RGS12: variants seen among roughly 807,000 people sequenced by gnomAD.
RGS12 encodes regulator of G protein signaling 12.
RGS12 carries 66 observed loss-of-function variants against 120.1 expected under a neutral mutation model. The observed-to-expected ratio is 0.55, with a 90% CI of 0.45 to 0.67. The LOEUF (loss-of-function observed/expected upper bound fraction) is 0.67, where lower values mean the gene tolerates loss of function less well. Ranked by LOEUF, RGS12 falls within the 30% of genes least tolerant of loss-of-function variation. The pLI is 0.00. For synonymous variants in RGS12, 827 were observed against 804.7 expected, an observed-to-expected ratio of 1.03 and a Z score of -0.47; for missense variants, 1,859 against 1,957.7, an observed-to-expected ratio of 0.95 and a Z score of 0.95.
intron 6 of RGS12, 55 bp downstream of exon 6, chr4:3,414,899 G>T: frequency 2.3e-6 from 3 of 1,314,708 alleles, no homozygotes; most frequent in Non-Finnish European, 3.3e-6. Flanking sequence ...TGAGAGAGAC[G>T]CATGTGAGGG....
At chr4:3,288,068 G>A (rs1046648669), upstream of RGS12, among the ~76,000 whole-genome samples, 5 of 152,236 alleles carry the variant, frequency 3.3e-5, no homozygotes, top group East Asian at 1.9e-4. The surrounding 1 kb of genome is among the most constrained non-coding windows in gnomAD (Gnocchi z 5.2). Flanking sequence ...CCGTGGGCCC[G>A]TACCTGCTGG....
intron 4 of RGS12, among the ~76,000 whole-genome samples, chr4:3,404,781 G>A (rs1401105188): frequency 6.6e-6 from 1 of 152,260 alleles, no homozygotes; most frequent in East Asian, 1.9e-4. Flanking sequence ...GTAGCAGTGA[G>A]CACCTGCATG....
chr4:3,355,457 C>G (rs974094062), intron 3 of RGS12, among the ~76,000 whole-genome samples: 1 of 152,066 alleles, frequency 6.6e-6, no homozygotes, highest in Non-Finnish European at 1.5e-5. Context: ...TGTTACTGTT[C>G]TCGGATGATG....
intron 12 of RGS12, 83 bp downstream of exon 12, chr4:3,423,061 C>A: frequency 9.3e-7 from 1 of 1,078,302 alleles, no homozygotes; most frequent in East Asian, 2.6e-5. Context: ...CTGCGCTTAG[C>A]GGGCGGCCTG....
In RGS12 at chr4:3,397,633, G is replaced by T. The variant is rs114524202; in HGVS notation, c.2020+11196G>T. 7.9e-3 allele frequency among the ~76,000 whole-genome samples: 1,208 copies of T among 152,274 alleles called. 11 individuals carry two copies. Among genetic ancestry groups the T allele is most frequent in the Middle Eastern group, 0.031 (9 of 294 alleles). Reference sequence around the variant, plus strand: ...TAGGGTGGGAGGAGCAGATAGGGGGGTGATAACCAAGAATTCTGCTTTGGA... The same window carrying T: ...TAGGGTGGGAGGAGCAGATAGGGGGTTGATAACCAAGAATTCTGCTTTGGA... On this transcript the variant is annotated intron_variant, in intron 4 of 17. Transcript: ENST00000336727.
At chr4:3,294,721 G>A (rs1054276119) in intron 1 of RGS12, among the ~76,000 whole-genome samples, 1 of 152,180 alleles carries the variant, frequency 6.6e-6, no homozygotes, top group Non-Finnish European at 1.5e-5. Context: ...TTATCTCTGA[G>A]ACCTCCTGAG....
Position 3,398,020 on chromosome 4 carries a change from ATAG to A in RGS12, c.2020+11587_2020+11589del, listed in dbSNP as rs746061939. Reference sequence around the variant, plus strand: ...TTTCTCTCATCTGTAAAATGGAATAATAGTAGGACCCATTACTTACAGACTTCT... The same window carrying A: ...TTTCTCTCATCTGTAAAATGGAATAATAGGACCCATTACTTACAGACTTCT... On this transcript the variant is annotated intron_variant, in intron 4 of 17. Coordinates refer to ENST00000336727, the MANE Select transcript of RGS12 (RefSeq NM_001394154.1). Among the ~76,000 whole-genome samples the A allele has an allele frequency of 5.7e-4, 87 of 152,338 alleles. 1 individual carries two copies. Among genetic ancestry groups the A allele is most frequent in the South Asian group, 6.2e-4 (3 of 4,826 alleles).
Position 3,342,977 on chromosome 4 carries a change from C to T in RGS12, c.1922C>T (p.Ser641Phe), listed in dbSNP as rs1578776137. The T allele has an allele frequency of 1.9e-6, 3 of 1,613,928 alleles. No individual in the cohort carries two copies. In the East Asian group the frequency reaches 6.7e-5, roughly 36 times the overall value. The change falls in exon 3 of 18, where the codon TCT becomes TTT. Residue 641 changes from serine (S) to phenylalanine (F), a missense_variant. Ser to Phe is a radical substitution (Grantham distance 155). Around this residue, in one of 3 missense-constraint regions of RGS12, gnomAD observed 967 missense variants for 994.2 expected, o/e 0.97. Transcript: ENST00000336727. ...CGGGGAACTGGACTCACTCAGCCTTCTCAACGCACGTCTGCTCGGAGATCA... is the reference window on the plus strand; with the variant it reads ...CGGGGAACTGGACTCACTCAGCCTTTTCAACGCACGTCTGCTCGGAGATCA... ...FGRGTGLTQP[S>F]QRTSARRSFG...
At chr4:3,349,178 A>G (rs1034691691) in intron 3 of RGS12, among the ~76,000 whole-genome samples, 1 of 152,222 alleles carries the variant, frequency 6.6e-6, no homozygotes, top group Non-Finnish European at 1.5e-5. Context: ...AGAAGGACTT[A>G]CACATAATTT....
intron 17 of RGS12, among the ~76,000 whole-genome samples, chr4:3,439,094 G>T (rs1318609776): frequency 2.6e-5 from 4 of 151,982 alleles, no homozygotes; most frequent in Non-Finnish European, 4.4e-5. Flanking sequence ...GCCTGGGGGG[G>T]CCCCTGAGGA....
Position 3,316,949 on chromosome 4 carries a change from G to T in RGS12, c.779G>T (p.Arg260Leu). ...DSLQAIRGCM[R>L]RLRAEQKIHS... ...TTGCAAGCCATCCGCGGCTGCATGC[G>T]GCGCCTGCGGGCAGAGCAGAAAATC... The change falls in exon 2 of 18, where the codon CGG becomes CTG. Residue 260 changes from arginine to leucine, a missense_variant. By Grantham distance (102) the Arg-to-Leu change is moderately radical. Around this residue, in one of 3 missense-constraint regions of RGS12, gnomAD observed 967 missense variants for 994.2 expected, o/e 0.97. Coordinates refer to ENST00000336727, the MANE Select transcript of RGS12 (RefSeq NM_001394154.1). 3 of 1,613,900 alleles carry T rather than the reference G, an allele frequency of 1.9e-6. No individual in the cohort carries two copies. Among genetic ancestry groups the T allele is most frequent in the Non-Finnish European group, 2.5e-6 (3 of 1,180,036 alleles).
rs190461305 is a variant in RGS12, at chr4:3,326,234, G to A, written c.1881+8183G>A. Among the ~76,000 whole-genome samples, 114 of 152,248 alleles carry A rather than the reference G, an allele frequency of 7.5e-4. 3 individuals carry two copies. The highest frequency in any genetic ancestry group is 9.6e-5 in the African/African-American group (4 of 41,544). On this transcript the variant is annotated intron_variant, in intron 2 of 17. Coordinates refer to ENST00000336727, the MANE Select transcript of RGS12 (RefSeq NM_001394154.1). ...TTAGAGAAGAGGAGGTCAAATTATC[G>A]TGGTTTGCTGATGACATAATCTTTT...
At chr4:3,396,643 G>A (rs1338569135) in intron 4 of RGS12, among the ~76,000 whole-genome samples, 1 of 152,132 alleles carries the variant, frequency 6.6e-6, no homozygotes, top group Non-Finnish European at 1.5e-5. Flanking sequence ...ATTGGATCAG[G>A]ACTTCATGTC....
intron 1 of RGS12, among the ~76,000 whole-genome samples, chr4:3,293,853 G>A (rs1378025434): frequency 8.3e-6 from 1 of 120,898 alleles, no homozygotes; most frequent in Admixed American, 8.4e-5. Flanking sequence ...GCCGTGGAGT[G>A]TAGACAGAGA....
Position 3,423,132 on chromosome 4 carries a change from C to T in RGS12, c.3107+154C>T, listed in dbSNP as rs546480313. On this transcript the variant is annotated intron_variant, in intron 12 of 17. Coordinates refer to ENST00000336727, the MANE Select transcript of RGS12 (RefSeq NM_001394154.1). ...GGCGGGGGGAGGGTGGAGGCCCACACGAGGCAGCCCCCCTACAAGCCCGGG... is the reference window on the plus strand; with the variant it reads ...GGCGGGGGGAGGGTGGAGGCCCACATGAGGCAGCCCCCCTACAAGCCCGGG... Among the ~76,000 whole-genome samples, 27 of 152,244 alleles carry T rather than the reference C, an allele frequency of 1.8e-4. 1 individual carries two copies. In the South Asian group the frequency reaches 5.4e-3, roughly 30 times the overall value.
rs753592948 is a variant in RGS12, at chr4:3,422,888, G to A, written c.3034-17G>A. On this transcript the variant is annotated splice_polypyrimidine_tract_variant and intron_variant, in intron 11 of 17. Transcript: ENST00000336727. ...GCCTGCTGTGCCCACGTTGATTCTGGTCTCTCTGTTCCTCAGCCTCTGGTG... is the reference window on the plus strand; with the variant it reads ...GCCTGCTGTGCCCACGTTGATTCTGATCTCTCTGTTCCTCAGCCTCTGGTG... 5 of 1,611,344 alleles carry A rather than the reference G, an allele frequency of 3.1e-6. No individual in the cohort carries two copies. Among genetic ancestry groups the A allele is most frequent in the East Asian group, 4.5e-5 (2 of 44,868 alleles).
chr4:3,393,332 G>A (rs375584417), intron 4 of RGS12, among the ~76,000 whole-genome samples: 2 of 152,150 alleles, frequency 1.3e-5, no homozygotes, highest in Non-Finnish European at 2.9e-5. Context: ...TGCCTGCCTC[G>A]TGGGGTCTCG....
chr4:3,385,497 T>C (rs981488287), intron 3 of RGS12: 1 of 152,654 alleles, frequency 6.6e-6, no homozygotes, highest in Non-Finnish European at 1.5e-5. Context: ...GCCTGACGGC[T>C]CTGCGCCCTG....
chr4:3,288,237 G>A (rs1373868757), upstream of RGS12, among the ~76,000 whole-genome samples: 1 of 152,154 alleles, frequency 6.6e-6, no homozygotes, highest in African/African-American at 2.4e-5. This position sits in a 1 kb window ranked among gnomAD's most constrained non-coding sequence, Gnocchi z 5.2. Context: ...GGCTGGGGCT[G>A]GAGTGGGGAC....
Sources: allele counts gnomAD v4.1 joint callset (sites outside exome capture counted in the v4.1 genomes callset), GRCh38; gene constraint gnomAD v4.1.1; regional missense constraint gnomAD v4.1.1; non-coding constraint Gnocchi (gnomAD v3.1); transcripts MANE v1.5; gene names NCBI Gene and HGNC (gene_info 2026-07-23, HGNC 2026-07-21).